The following DHRS7C variants were observed in gnomAD, a reference collection of about 807,000 sequenced individuals.
DHRS7C encodes dehydrogenase/reductase SDR family member 7C.
A neutral mutation model predicts 29.6 loss-of-function variants in DHRS7C; 28 were observed. That is an observed-to-expected ratio of 0.95 (90% CI 0.70 to 1.30). DHRS7C has a LOEUF of 1.30. Among genes scored for constraint, DHRS7C ranks in the 50% most tolerant of loss-of-function variants. DHRS7C has a pLI of 0.00. For missense variants in DHRS7C, 403 were observed against 393.3 expected, an observed-to-expected ratio of 1.02 and a Z score of -0.21; for synonymous variants, 158 against 160.2, an observed-to-expected ratio of 0.99 and a Z score of 0.10.
chr17:9,775,339 C>T lies in DHRS7C; in HGVS notation c.571+1854G>A, dbSNP rs1485553280. 6.6e-6 allele frequency among the ~76,000 whole-genome samples: 1 copy of T among 152,178 alleles called. No homozygotes were observed. The highest frequency in any genetic ancestry group is 6.5e-5 in the Admixed American group (1 of 15,282). On this transcript the variant is annotated intron_variant, in intron 4 of 5. Coordinates refer to ENST00000571134, the MANE Select transcript of DHRS7C (RefSeq NM_001105571.3). This position sits in a 1 kb window ranked among gnomAD's most constrained non-coding sequence, Gnocchi z 4.2. Reference sequence around the variant, plus strand: ...CACTCTGCCCTTCTTCCTGGGCCCCCAGGTGGACTGCACTTCCCAGCGTCC... The same window carrying T: ...CACTCTGCCCTTCTTCCTGGGCCCCTAGGTGGACTGCACTTCCCAGCGTCC...
rs551439741 is a variant in DHRS7C, at chr17:9,788,096, G to T, written c.154+3035C>A. ...CAGAAATGTTTAAAGGACAGAAACT[G>T]CACCTTTGAGGTGATAACACACAGG... is the stretch of plus-strand genomic sequence containing the variant. On this transcript the variant is annotated intron_variant, in intron 1 of 5. Coordinates refer to ENST00000571134, the MANE Select transcript of DHRS7C (RefSeq NM_001105571.3). Among the ~76,000 whole-genome samples the T allele has an allele frequency of 2.7e-3, 414 of 152,340 alleles. 1 individual carries two copies. The highest frequency in any genetic ancestry group is 4.4e-3 in the Non-Finnish European group (296 of 68,034).
chr17:9,783,947 G>GT (rs777520888), intron 1 of DHRS7C, among the ~76,000 whole-genome samples: 79 of 125,986 alleles, frequency 6.3e-4, no homozygotes, highest in Non-Finnish European at 1.0e-3. Context: ...TTTTTTTTTT[G>GT]TTTTTTTGTT....
At chr17:9,784,983 T>C (rs1220237765) in intron 1 of DHRS7C, among the ~76,000 whole-genome samples, 1 of 152,238 alleles carries the variant, frequency 6.6e-6, no homozygotes, top group East Asian at 1.9e-4. Flanking sequence ...GTTGTGTGTT[T>C]ATGTATGTAA....
rs530651826 is a variant in DHRS7C, at chr17:9,772,975, C to T, written c.572-53G>A. On this transcript the variant is annotated intron_variant, in intron 4 of 5. Transcript: ENST00000571134. ...CGCAGGACACTCCCGGCCCTGCTTC[C>T]TGGTGGGCGCATTGGAGGCAGGAGG... 9.4e-6 allele frequency: 15 copies of T among 1,596,536 alleles called. No homozygotes were observed. The South Asian group carries it at 1.3e-4, about 14-fold the overall frequency.
chr17:9,780,100 C>T (rs2066385496), intron 2 of DHRS7C, 65 bp from the exon 3 acceptor site: 1 of 1,439,556 alleles, frequency 6.9e-7, no homozygotes. Flanking sequence ...ACCTTGGGAG[C>T]CCTCGATCTA....
At chr17:9,781,636 T>G (rs776122476) in intron 1 of DHRS7C, 42 bp from the exon 2 acceptor site, 88 of 1,590,994 alleles carry the variant, frequency 5.5e-5, no homozygotes, top group African/African-American at 2.7e-5. Flanking sequence ...ACTGTGTGGA[T>G]GGAGCCACTG....
chr17:9,772,636 G>C, intron 5 of DHRS7C, 131 bp downstream of exon 5: 1 of 1,228,220 alleles, frequency 8.1e-7, no homozygotes, highest in Non-Finnish European at 1.1e-6. Flanking sequence ...GTTGGGGGTT[G>C]CTGAGCCTCC....
At chr17:9,789,701 G>A (rs958058552) in intron 1 of DHRS7C, among the ~76,000 whole-genome samples, 1 of 152,162 alleles carries the variant, frequency 6.6e-6, no homozygotes, top group African/African-American at 2.4e-5. Context: ...TTAGCAGCCT[G>A]GTGCAATGCC....
intron 1 of DHRS7C, among the ~76,000 whole-genome samples, chr17:9,787,717 A>T (rs2066431905): frequency 1.3e-5 from 2 of 151,868 alleles, no homozygotes; most frequent in East Asian, 1.9e-4. Context: ...TTTAATTTTA[A>T]TTTTTTTGGG....
chr17:9,780,137 A>G, intron 2 of DHRS7C, 102 bp from the exon 3 acceptor site: 2 of 971,756 alleles, frequency 2.1e-6, no homozygotes, highest in South Asian at 1.7e-5. Flanking sequence ...AAATTCAAAG[A>G]TAATGAAATG....
chr17:9,788,363 C>T (rs759648900), intron 1 of DHRS7C, among the ~76,000 whole-genome samples: 1 of 152,140 alleles, frequency 6.6e-6, no homozygotes. Flanking sequence ...AGAGCCCCCA[C>T]CCCCAGCTAA....
chr17:9,791,052 C>A (rs971002987), intron 1 of DHRS7C, 79 bp downstream of exon 1: 1 of 1,507,308 alleles, frequency 6.6e-7, no homozygotes, highest in African/African-American at 1.4e-5. Context: ...CCACACAGCG[C>A]CCTGCCGCCC....
chr17:9,784,971 G>A (rs1180668487), intron 1 of DHRS7C, among the ~76,000 whole-genome samples: 1 of 152,200 alleles, frequency 6.6e-6, no homozygotes, highest in Non-Finnish European at 1.5e-5. Context: ...CCATAACGCT[G>A]GGTTGTGTGT....
Position 9,772,832 on chromosome 17 carries a change from G to A in DHRS7C, c.662C>T (p.Pro221Leu), listed in dbSNP as rs1295793795. The A allele has an allele frequency of 6.2e-7, 1 of 1,613,854 alleles. No homozygotes were observed. Among genetic ancestry groups the A allele is most frequent in the East Asian group, 2.2e-5 (1 of 44,892 alleles). Residue 221 changes from proline to leucine, a missense_variant, in exon 5 of 6, where the codon CCG becomes CTG. Transcript: ENST00000571134. ...EYDVVISTVS[P>L]TFIRSYHVYP... Reference sequence around the variant, plus strand: ...CACGTGGTACGACCGGATGAAAGTCGGGCTCACGGTGCTGATGACAACATC... The same window carrying A: ...CACGTGGTACGACCGGATGAAAGTCAGGCTCACGGTGCTGATGACAACATC...
chr17:9,787,793 C>T (rs983315336), intron 1 of DHRS7C, among the ~76,000 whole-genome samples: 19 of 152,212 alleles, frequency 1.2e-4, no homozygotes, highest in Admixed American at 5.9e-4. Flanking sequence ...CTGCAACCTC[C>T]GCCTCCCGGG....
At chr17:9,780,520 T>C (rs1352809020) in intron 2 of DHRS7C, among the ~76,000 whole-genome samples, 1 of 152,240 alleles carries the variant, frequency 6.6e-6, no homozygotes, top group African/African-American at 2.4e-5. Flanking sequence ...GCACCTACTA[T>C]GTGCCAGGCA....
At chr17:9,783,672 G>A (rs764652809) in intron 1 of DHRS7C, among the ~76,000 whole-genome samples, 7 of 152,120 alleles carry the variant, frequency 4.6e-5, no homozygotes, top group Non-Finnish European at 8.8e-5. Flanking sequence ...AATGTATTAC[G>A]TAAAAAGTGG....
intron 4 of DHRS7C, among the ~76,000 whole-genome samples, chr17:9,776,516 T>C (rs2066363431): frequency 6.6e-6 from 1 of 152,132 alleles, no homozygotes; most frequent in Non-Finnish European, 1.5e-5. Context: ...CCATCAAACA[T>C]TTACTGAGCC....
At chr17:9,786,323 G>A (rs918778278) in intron 1 of DHRS7C, among the ~76,000 whole-genome samples, 36 of 128,598 alleles carry the variant, frequency 2.8e-4, no homozygotes, top group Admixed American at 1.7e-3. Context: ...GCAAAACTCC[G>A]TCTCAAATAA....
Sources: allele counts gnomAD v4.1 joint callset (sites outside exome capture counted in the v4.1 genomes callset), GRCh38; gene constraint gnomAD v4.1.1; non-coding constraint Gnocchi (gnomAD v3.1); transcripts MANE v1.5; gene names NCBI Gene and HGNC (gene_info 2026-07-23, HGNC 2026-07-21).